GRK7: variants seen among roughly 807,000 people sequenced by gnomAD.
GRK7 encodes the protein G protein-coupled receptor kinase 7.
In GRK7, 24 loss-of-function variants were observed where a neutral mutation model predicts 34.1. The ratio of observed to expected loss-of-function variants is 0.70; its 90% CI spans 0.51 to 0.99. GRK7 has a LOEUF of 0.99. GRK7 is among the 50% of genes least tolerant of loss of function. The pLI, the probability that GRK7 is intolerant of heterozygous loss-of-function variation, is 0.00. For missense variants in GRK7, 644 were observed against 707.3 expected (o/e 0.91, Z 1.02); for synonymous variants, 256 against 279.4 (o/e 0.92, Z 0.84).
At chr3:141,760,779 C>T (rs2084552325), upstream of GRK7, among the ~76,000 whole-genome samples, 2 of 134,824 alleles carry the variant, frequency 1.5e-5, no homozygotes, top group South Asian at 5.4e-4. Context: ...TCAGGACTTG[C>T]TTTATGAATC....
At chr3:141,797,797 G>A (rs1042348132) in intron 4 of GRK7, among the ~76,000 whole-genome samples, 2 of 152,088 alleles carry the variant, frequency 1.3e-5, no homozygotes, top group Admixed American at 6.5e-5. Flanking sequence ...AGACACGGCC[G>A]TTTCTTTTGA....
Position 141,817,117 on chromosome 3 carries a change from G to C in GRK7, c.*67G>C, listed in dbSNP as rs1711163713. 4.6e-5 allele frequency: 56 copies of C among 1,212,982 alleles called. No individual in the cohort carries two copies. Among genetic ancestry groups the C allele is most frequent in the Non-Finnish European group, 6.2e-5 (54 of 867,990 alleles). 75.1% of individuals were successfully genotyped at this position (1,212,982 alleles called of 1,614,324 possible). On this transcript the variant is annotated 3_prime_UTR_variant, in exon 6 of 6. Transcript: ENST00000682958. The stretch of plus-strand genomic sequence containing the variant: ...CATAATCCTCGAATGTTCCACACGT[G>C]GAAATCTGTGGAATGAGGGCTAATC...
At chr3:141,761,702 G>C (rs1446864327), upstream of GRK7, among the ~76,000 whole-genome samples, 2 of 129,564 alleles carry the variant, frequency 1.5e-5, no homozygotes, top group African/African-American at 3.1e-5. Context: ...ATAATATCCT[G>C]TAGAGTGTTT....
intron 1 of GRK7, among the ~76,000 whole-genome samples, chr3:141,766,695 C>T (rs980036058): frequency 6.6e-6 from 1 of 152,216 alleles, no homozygotes; most frequent in Non-Finnish European, 1.5e-5. Flanking sequence ...ATAATTCCCA[C>T]ATATTCGCCA....
Position 141,778,956 on chromosome 3 carries a change from G to T in GRK7, c.612+60G>T, listed in dbSNP as rs991207320. On this transcript the variant is annotated intron_variant, in intron 3 of 5. Coordinates refer to ENST00000682958, the MANE Select transcript of GRK7 (RefSeq NM_139209.3). This position sits in a 1 kb window ranked among gnomAD's most constrained non-coding sequence, Gnocchi z 4.1. ...AGCATAGAGCATGAAAGGGGGTAAT[G>T]TTGCCTTTCTTTTTTTAAATCTCAG... The T allele has an allele frequency of 9.5e-6, 14 of 1,468,272 alleles. No homozygotes were observed. The African/African-American group carries it at 2.0e-4, about 21-fold the overall frequency. The allele number at this position is 1,468,272 out of a possible 1,614,324, so 91.0% of individuals were successfully genotyped here. A position where few individuals can be genotyped will look rare whatever the true frequency, so the allele number is the denominator to read the frequency against.
intron 4 of GRK7, among the ~76,000 whole-genome samples, chr3:141,785,490 C>A (rs906425843): frequency 6.6e-6 from 1 of 152,102 alleles, no homozygotes; most frequent in Admixed American, 6.6e-5. Flanking sequence ...TTAGGCTGGC[C>A]GTGGTGGCTC....
rs560564298 is a variant in GRK7 at position 141,796,277 on chromosome 3, C to A, written c.1051-11368C>A. Among the ~76,000 whole-genome samples, 30 of 152,258 alleles carry A rather than the reference C, an allele frequency of 2.0e-4. No individual in the cohort carries two copies. In the South Asian group the frequency reaches 5.8e-3, roughly 30 times the overall value. ...AATGTACTCATGGGTTGGCCACAGCCCTGCACATGATCTTACACAAGTCAG... is the reference window on the plus strand; with the variant it reads ...AATGTACTCATGGGTTGGCCACAGCACTGCACATGATCTTACACAAGTCAG... On this transcript the variant is annotated intron_variant, in intron 4 of 5. Coordinates refer to ENST00000682958, the MANE Select transcript of GRK7 (RefSeq NM_139209.3).
intron 5 of GRK7, among the ~76,000 whole-genome samples, chr3:141,810,350 T>TTC (rs1169536673): frequency 1.2e-4 from 18 of 144,986 alleles, no homozygotes; most frequent in East Asian, 4.1e-4. Context: ...CTCGCCTCTT[T>TTC]TCTCTCTCTC....
chr3:141,766,179 T>C (rs1310555946), intron 1 of GRK7, among the ~76,000 whole-genome samples: 1 of 152,090 alleles, frequency 6.6e-6, no homozygotes, highest in Non-Finnish European at 1.5e-5. Flanking sequence ...TCTTTTTTTT[T>C]TTGAGATGGA....
chr3:141,814,919 G>GTT lies in GRK7; in HGVS notation c.1326-1795_1326-1794insTT, dbSNP rs2107897915. Among the ~76,000 whole-genome samples the GTT allele has an allele frequency of 2.3e-5, 3 of 128,628 alleles. No individual in the cohort carries two copies. The East Asian group carries it at 6.8e-4, about 29-fold the overall frequency. The allele number at this position is 128,628 out of a possible 152,430, so 84.4% of individuals were successfully genotyped here. On this transcript the variant is annotated intron_variant, in intron 5 of 5. Coordinates refer to ENST00000682958, the MANE Select transcript of GRK7 (RefSeq NM_139209.3). Reference sequence around the variant, plus strand: ...TGTTTGTTTGGTTGGTTTGTTGGTTGGTTTTTTTTTTTTTTTTTTTTTAGA... The same window carrying GTT: ...TGTTTGTTTGGTTGGTTTGTTGGTTGTTGTTTTTTTTTTTTTTTTTTTTTAGA...
chr3:141,794,748 G>A (rs933259274), intron 4 of GRK7, among the ~76,000 whole-genome samples: 31 of 152,210 alleles, frequency 2.0e-4, no homozygotes, highest in Non-Finnish European at 4.4e-5. Context: ...AGTGGAGACA[G>A]AACGCAGTGG....
At chr3:141,786,837 G>C (rs1268425660) in intron 4 of GRK7, among the ~76,000 whole-genome samples, 1 of 151,968 alleles carries the variant, frequency 6.6e-6, no homozygotes, top group Non-Finnish European at 1.5e-5. Flanking sequence ...AAATTATCCA[G>C]GTGGGCCTGA....
chr3:141,776,272 G>C (rs1000667952), intron 2 of GRK7, among the ~76,000 whole-genome samples: 1 of 143,932 alleles, frequency 6.9e-6, no homozygotes. Flanking sequence ...GGGTGATAGA[G>C]CGAGACTCCG....
chr3:141,791,707 C>G (rs980879312), intron 4 of GRK7, among the ~76,000 whole-genome samples: 3 of 152,050 alleles, frequency 2.0e-5, no homozygotes, highest in African/African-American at 4.8e-5. Flanking sequence ...CAGGACTGTT[C>G]TAAATATGAG....
chr3:141,805,010 ACT>A (rs1711013835), intron 4 of GRK7, among the ~76,000 whole-genome samples: 1 of 150,882 alleles, frequency 6.6e-6, no homozygotes. Context: ...ACTCACACAC[ACT>A]CATACACCCA....
the GRK7 span, among the ~76,000 whole-genome samples, chr3:141,750,133 C>T: frequency 3.9e-5 from 6 of 152,054 alleles, no homozygotes; most frequent in Admixed American, 6.6e-5. Context: ...AAAGTAATTG[C>T]GGTTTTTTTG....
the GRK7 span, among the ~76,000 whole-genome samples, chr3:141,757,215 T>G: frequency 6.6e-6 from 1 of 150,692 alleles, no homozygotes; most frequent in Non-Finnish European, 1.5e-5. Flanking sequence ...TAGTTACATA[T>G]GTATACATGT....
intron 4 of GRK7, among the ~76,000 whole-genome samples, chr3:141,789,573 A>G (rs2084713312): frequency 6.6e-6 from 1 of 151,802 alleles, no homozygotes; most frequent in Non-Finnish European, 1.5e-5. Flanking sequence ...TGTCCCACGT[A>G]AATCTCATGG....
the GRK7 span, among the ~76,000 whole-genome samples, chr3:141,756,720 C>G: frequency 1.3e-5 from 2 of 152,082 alleles, no homozygotes; most frequent in African/African-American, 2.4e-5. Flanking sequence ...TAACCAACAC[C>G]CTTTTACATT....
Sources: allele counts gnomAD v4.1 joint callset (sites outside exome capture counted in the v4.1 genomes callset), GRCh38; gene constraint gnomAD v4.1.1; non-coding constraint Gnocchi (gnomAD v3.1); transcripts MANE v1.5; gene names NCBI Gene and HGNC (gene_info 2026-07-23, HGNC 2026-07-21).